BABAM2: variants seen among roughly 807,000 people sequenced by gnomAD.
BABAM2 encodes the protein BRISC and BRCA1-A complex member 2.
BABAM2 carries 31 observed loss-of-function variants against 54.7 expected under a neutral mutation model. That is an observed-to-expected ratio of 0.57 (90% CI 0.43 to 0.77). The LOEUF is 0.77. Among genes scored for constraint, BABAM2 ranks in the 30% least tolerant of loss-of-function variants. The pLI is 0.00. For missense variants in BABAM2, 364 were observed against 455.8 expected (o/e 0.80, Z 1.83); for synonymous variants, 167 against 162.9 (o/e 1.03, Z -0.19).
At chr2:28,013,665 T>TA (rs55636414) in intron 4 of BABAM2, among the ~76,000 whole-genome samples, 1,183 of 58,060 alleles carry the variant, frequency 0.02, 33 homozygotes, top group East Asian at 0.049. Flanking sequence ...GTCCAGCAAG[T>TA]AAAAAAAAAA....
At chr2:28,246,930 C>T (rs927745748) in intron 10 of BABAM2, among the ~76,000 whole-genome samples, 8 of 152,144 alleles carry the variant, frequency 5.3e-5, no homozygotes, top group Admixed American at 6.6e-5. Context: ...AAGGTTTATT[C>T]CCCACAGAAT....
At chr2:28,220,285 C>T (rs769950060) in intron 7 of BABAM2, among the ~76,000 whole-genome samples, 1 of 152,142 alleles carries the variant, frequency 6.6e-6, no homozygotes, top group Non-Finnish European at 1.5e-5. Context: ...CCAAGCCTTA[C>T]TGCTATTTGT....
At chr2:28,280,622 T>G (rs2148192048) in intron 10 of BABAM2, among the ~76,000 whole-genome samples, 1 of 152,342 alleles carries the variant, frequency 6.6e-6, no homozygotes, top group Non-Finnish European at 1.5e-5. Context: ...AAAATATTCC[T>G]CTAGACCTGG....
rs1573357602 is a variant in BABAM2 at position 27,997,447 on chromosome 2, A to T, written c.300+9360A>T. ...AGGAAGAAAGTTGATGTTATTTTTT[A>T]AAAAATATACTTCCTAAAGGAAGAC... On this transcript the variant is annotated intron_variant, in intron 4 of 11. Transcript: ENST00000379624. Among the ~76,000 whole-genome samples, 17 of 152,326 alleles carry T rather than the reference A, an allele frequency of 1.1e-4. No individual in the cohort carries two copies. In the South Asian group the frequency reaches 3.5e-3, roughly 32 times the overall value.
intron 8 of BABAM2, among the ~76,000 whole-genome samples, chr2:28,239,611 A>G (rs1682228571): frequency 6.6e-6 from 1 of 152,242 alleles, no homozygotes; most frequent in Admixed American, 6.5e-5. Context: ...GAATTTTAAA[A>G]TGAGAGAAGT....
intron 11 of BABAM2, among the ~76,000 whole-genome samples, chr2:28,306,769 T>C (rs1477439815): frequency 1.3e-5 from 2 of 151,896 alleles, no homozygotes; most frequent in Admixed American, 6.6e-5. Flanking sequence ...TGACCTCGGC[T>C]CATGGCAACC....
At chr2:28,148,162 A>G (rs917639605) in intron 7 of BABAM2, among the ~76,000 whole-genome samples, 3 of 152,138 alleles carry the variant, frequency 2.0e-5, no homozygotes, top group Non-Finnish European at 4.4e-5. Flanking sequence ...ATCTCTTGGA[A>G]TACTGTGTAC....
intron 3 of BABAM2, among the ~76,000 whole-genome samples, chr2:27,944,378 A>G (rs1669142091): frequency 6.6e-6 from 1 of 152,184 alleles, no homozygotes; most frequent in Non-Finnish European, 1.5e-5. Flanking sequence ...TTACCCACAC[A>G]AATCGGTCCC....
intron 3 of BABAM2, among the ~76,000 whole-genome samples, chr2:27,968,125 C>T (rs1367746056): frequency 1.3e-5 from 2 of 152,198 alleles, no homozygotes; most frequent in East Asian, 1.9e-4. Context: ...CAGGGCAGGT[C>T]AGAGGTCTTT....
intron 6 of BABAM2, among the ~76,000 whole-genome samples, chr2:28,058,644 T>C (rs780906881): frequency 1.3e-5 from 2 of 151,820 alleles, no homozygotes; most frequent in Non-Finnish European, 2.9e-5. Flanking sequence ...CCTGGGAAAG[T>C]AGGGGAGAGG....
chr2:27,893,195 C>T (rs1665006300), intron 1 of BABAM2, among the ~76,000 whole-genome samples: 1 of 152,160 alleles, frequency 6.6e-6, no homozygotes, highest in Non-Finnish European at 1.5e-5. Context: ...TTTGAATCGA[C>T]TTTTTCCTCT....
chr2:28,130,450 T>C (rs186288205), intron 7 of BABAM2, among the ~76,000 whole-genome samples: 3 of 152,194 alleles, frequency 2.0e-5, no homozygotes, highest in Admixed American at 2.0e-4. Flanking sequence ...AGACACTCAA[T>C]GAATGTTTAA....
intron 10 of BABAM2, among the ~76,000 whole-genome samples, chr2:28,269,312 C>T (rs925249372): frequency 1.4e-4 from 22 of 152,196 alleles, no homozygotes; most frequent in Admixed American, 8.5e-4. Context: ...AAGTATTCGC[C>T]TTTGCAGTCT....
At chr2:28,082,576 C>T (rs1392466009) in intron 6 of BABAM2, among the ~76,000 whole-genome samples, 1 of 152,128 alleles carries the variant, frequency 6.6e-6, no homozygotes, top group Non-Finnish European at 1.5e-5. Flanking sequence ...TAAAATAATG[C>T]CTGTGAAGCA....
At chr2:28,139,360 A>C (rs1264489903) in intron 7 of BABAM2, among the ~76,000 whole-genome samples, 1 of 150,694 alleles carries the variant, frequency 6.6e-6, no homozygotes, top group Non-Finnish European at 1.5e-5. Flanking sequence ...AAGAAAAAAA[A>C]GAGGTGGAGA....
chr2:27,935,117 T>G (rs1668397227), intron 3 of BABAM2, among the ~76,000 whole-genome samples: 2 of 152,210 alleles, frequency 1.3e-5, no homozygotes, highest in African/African-American at 4.8e-5. Flanking sequence ...CCTCAAAGGA[T>G]AGACTGACTT....
At chr2:28,292,367 A>G (rs530948386) in intron 10 of BABAM2, among the ~76,000 whole-genome samples, 52 of 152,314 alleles carry the variant, frequency 3.4e-4, no homozygotes, top group Admixed American at 9.8e-4. Flanking sequence ...ATGCTTTCTT[A>G]ACCATGCTTG....
In BABAM2 at chr2:28,329,036, G is replaced by T. The variant is rs556827552; in HGVS notation, c.1089-9414G>T. ...GAAAGAACCCTTTAGATGAGACTTC[G>T]TTGAACAAAGTTTCCTACTGGCCTC... On this transcript the variant is annotated intron_variant, in intron 11 of 11. Transcript: ENST00000379624. This position sits in a 1 kb window ranked among gnomAD's most constrained non-coding sequence, Gnocchi z 4.2. Among the ~76,000 whole-genome samples the T allele has an allele frequency of 1.3e-5, 2 of 152,074 alleles. No individual in the cohort carries two copies. Among genetic ancestry groups the T allele is most frequent in the Non-Finnish European group, 2.9e-5 (2 of 68,024 alleles).
Position 28,278,987 on chromosome 2 carries a change from A to G in BABAM2, c.935-19351A>G, listed in dbSNP as rs1686112577. ...ACAGAATTCATTCACAGTGAAGGTG[A>G]GCCCGTCCTCTTTTGAGAATTTGGG... is the stretch of plus-strand genomic sequence containing the variant. On this transcript the variant is annotated intron_variant, in intron 10 of 11. Coordinates refer to ENST00000379624, the MANE Select transcript of BABAM2 (RefSeq NM_199191.3). 1.3e-5 allele frequency among the ~76,000 whole-genome samples: 2 copies of G among 152,214 alleles called. 1 individual carries two copies. The highest frequency in any genetic ancestry group is 1.3e-4 in the Admixed American group (2 of 15,280).
Sources: gnomAD v4.1 joint callset for allele counts (sites outside exome capture counted in the v4.1 genomes callset) on GRCh38, gnomAD v4.1.1 for gene constraint, Gnocchi (gnomAD v3.1) non-coding constraint, MANE v1.5 for transcripts, NCBI Gene and HGNC (gene_info 2026-07-23, HGNC 2026-07-21) for gene names.